The following SGCZ variants were observed in gnomAD, a reference collection of about 807,000 sequenced individuals.
The protein encoded by SGCZ is zeta-sarcoglycan.
Under a neutral mutation model 41.3 loss-of-function variants are expected in SGCZ, and 40 were observed. The observed-to-expected ratio is 0.97, with a 90% CI of 0.75 to 1.26. The LOEUF (loss-of-function observed/expected upper bound fraction) is 1.26, where lower values mean the gene tolerates loss of function less well. Ranked by LOEUF, SGCZ falls within the 50% of genes most tolerant of loss-of-function variation. The probability of loss-of-function intolerance (pLI) is 0.00; values close to 1 mark genes in which losing one functional copy is unlikely to be tolerated. For missense variants in SGCZ, 552 were observed against 369.8 expected, an observed-to-expected ratio of 1.49 and a Z score of -4.04; for synonymous variants, 206 against 137.5, an observed-to-expected ratio of 1.50 and a Z score of -3.49.
At chr8:15,032,001 G>C (rs1803689397) in intron 1 of SGCZ, among the ~76,000 whole-genome samples, 1 of 150,446 alleles carries the variant, frequency 6.6e-6, no homozygotes, top group African/African-American at 2.4e-5. Flanking sequence ...CCAAATGTCG[G>C]ACAGAAAAAA....
At chr8:14,455,784 A>G (rs6530778) in intron 2 of SGCZ, among the ~76,000 whole-genome samples, 66,542 of 152,046 alleles carry the variant, frequency 0.44, 15,339 homozygotes, top group African/African-American at 0.58. Flanking sequence ...AAGAATGAGG[A>G]CAGGCTCTAT....
In SGCZ at chr8:14,644,951, T is replaced by A. The variant is rs116837251; in HGVS notation, c.40-90025A>T. 2.3e-4 allele frequency among the ~76,000 whole-genome samples: 34 copies of A among 149,720 alleles called. 1 individual carries two copies. In the East Asian group the frequency reaches 3.8e-3, roughly 17 times the overall value. On this transcript the variant is annotated intron_variant, in intron 1 of 7. Coordinates refer to ENST00000382080, the MANE Select transcript of SGCZ (RefSeq NM_139167.4). ...TAAAGCCTTTGTGTAGTTGCATAAA[T>A]AAAAAAAAAAAGTCTCCAACGTTAC...
At chr8:14,913,657 T>C (rs1306734925) in intron 1 of SGCZ, among the ~76,000 whole-genome samples, 1 of 152,074 alleles carries the variant, frequency 6.6e-6, no homozygotes, top group Non-Finnish European at 1.5e-5. Context: ...CTTAGAAAAA[T>C]CTATTTTATG....
chr8:15,210,447 C>T (rs1373312605), intron 1 of SGCZ, among the ~76,000 whole-genome samples: 1 of 151,554 alleles, frequency 6.6e-6, no homozygotes, highest in Non-Finnish European at 1.5e-5. Flanking sequence ...TCCTTTATAA[C>T]CCTACTCCAT....
intron 3 of SGCZ, among the ~76,000 whole-genome samples, chr8:14,256,066 T>G (rs576345809): frequency 2.0e-3 from 302 of 152,242 alleles, no homozygotes; most frequent in Non-Finnish European, 3.5e-3. Context: ...CCTCTTATTT[T>G]CTCTTGAAGA....
At chr8:14,726,781 A>T (rs903916422) in intron 1 of SGCZ, among the ~76,000 whole-genome samples, 8 of 152,168 alleles carry the variant, frequency 5.3e-5, no homozygotes, top group African/African-American at 1.9e-4. Context: ...ATTCAGATAT[A>T]AACAATAAAA....
intron 4 of SGCZ, among the ~76,000 whole-genome samples, chr8:14,179,535 T>G (rs1804655545): frequency 6.6e-6 from 1 of 152,044 alleles, no homozygotes; most frequent in African/African-American, 2.4e-5. Flanking sequence ...CCCACCTCAG[T>G]CTCCCTGTTT....
chr8:14,633,647 T>A (rs1271502547), intron 1 of SGCZ, among the ~76,000 whole-genome samples: 2 of 151,814 alleles, frequency 1.3e-5, no homozygotes, highest in Non-Finnish European at 2.9e-5. Flanking sequence ...AGGGAAGTCA[T>A]AACAGATCTT....
chr8:14,575,913 CAAAAAAAAA>C (rs66656586), intron 1 of SGCZ, among the ~76,000 whole-genome samples: 1 of 100,004 alleles, frequency 1.0e-5, no homozygotes, highest in Non-Finnish European at 1.9e-5. Context: ...CTCAAAATAA[CAAAAAAAAA>C]AAAAAAAAAA....
chr8:15,014,220 G>T (rs752318729), intron 1 of SGCZ, among the ~76,000 whole-genome samples: 19 of 152,184 alleles, frequency 1.2e-4, no homozygotes, highest in Non-Finnish European at 2.6e-4. Flanking sequence ...ATGCTGGAAT[G>T]ACGCTGTCAA....
intron 1 of SGCZ, among the ~76,000 whole-genome samples, chr8:14,812,914 C>G (rs1424387123): frequency 1.3e-5 from 2 of 152,098 alleles, no homozygotes; most frequent in Non-Finnish European, 2.9e-5. Context: ...TGAGGATATT[C>G]CCTAATGTTC....
At chr8:14,904,605 TG>T (rs1434158228) in intron 1 of SGCZ, among the ~76,000 whole-genome samples, 1 of 152,068 alleles carries the variant, frequency 6.6e-6, no homozygotes, top group Admixed American at 6.6e-5. Context: ...AAATTCATGA[TG>T]AGCTCTTAAT....
chr8:14,945,271 A>G (rs1800404401), intron 1 of SGCZ, among the ~76,000 whole-genome samples: 1 of 152,172 alleles, frequency 6.6e-6, no homozygotes, highest in Non-Finnish European at 1.5e-5. Flanking sequence ...AGAAAAATCT[A>G]TATAGATCAA....
intron 1 of SGCZ, among the ~76,000 whole-genome samples, chr8:14,974,435 C>A (rs550857979): frequency 6.6e-6 from 1 of 152,158 alleles, no homozygotes; most frequent in Non-Finnish European, 1.5e-5. Flanking sequence ...AAACTTTCAT[C>A]AGGATACACC....
At chr8:14,287,564 T>A (rs1800684064) in intron 3 of SGCZ, among the ~76,000 whole-genome samples, 1 of 152,128 alleles carries the variant, frequency 6.6e-6, no homozygotes, top group African/African-American at 2.4e-5. Flanking sequence ...AAACCCTGTT[T>A]TACAAAATGC....
intron 1 of SGCZ, among the ~76,000 whole-genome samples, chr8:14,570,302 T>C (rs551065859): frequency 6.6e-6 from 1 of 152,308 alleles, no homozygotes; most frequent in Admixed American, 6.5e-5. Context: ...ATAAAATTTG[T>C]CATTTCTCCT....
intron 3 of SGCZ, among the ~76,000 whole-genome samples, chr8:14,322,588 A>G (rs1801961597): frequency 1.3e-5 from 2 of 152,216 alleles, no homozygotes; most frequent in East Asian, 1.9e-4. Context: ...CTGCTGGTAG[A>G]GGGTTTCACA....
intron 2 of SGCZ, among the ~76,000 whole-genome samples, chr8:14,542,588 C>T (rs1049044422): frequency 2.0e-5 from 3 of 152,042 alleles, no homozygotes; most frequent in Non-Finnish European, 2.9e-5. Context: ...ATTCTATTTC[C>T]TATTTCTGAA....
chr8:14,087,446 C>T lies in SGCZ; in HGVS notation c.*2997G>A, dbSNP rs546103443. ...CCATTCCTGGCAAATAACTTAAATG[C>T]TAGCAAAACTACCAACCTCTTTTTC... On this transcript the variant is annotated 3_prime_UTR_variant, in exon 8 of 8. Transcript: ENST00000382080. Among the ~76,000 whole-genome samples, 2 of 151,690 alleles carry T rather than the reference C, an allele frequency of 1.3e-5. No individual in the cohort carries two copies. Among genetic ancestry groups the T allele is most frequent in the East Asian group, 3.9e-4 (2 of 5,142 alleles).
Sources: gnomAD v4.1 joint callset for allele counts (sites outside exome capture counted in the v4.1 genomes callset) on GRCh38, gnomAD v4.1.1 for gene constraint, MANE v1.5 for transcripts, NCBI Gene and HGNC (gene_info 2026-07-23, HGNC 2026-07-21) for gene names.